The following XKR4 variants were observed in gnomAD, a reference collection of about 807,000 sequenced individuals.
XKR4 encodes the protein XK related 4, also known as XK-related protein 4.
Under a neutral mutation model 53.9 loss-of-function variants are expected in XKR4, and 12 were observed. That is an observed-to-expected ratio of 0.22 (90% CI 0.14 to 0.36). The LOEUF (loss-of-function observed/expected upper bound fraction) is 0.36. Among genes scored for constraint, XKR4 ranks in the 10% least tolerant of loss-of-function variants. XKR4 has a pLI of 1.00. For missense variants in XKR4, 799 were observed against 859.5 expected (o/e 0.93, Z 0.88); for synonymous variants, 354 against 362.4 (o/e 0.98, Z 0.26).
chr8:55,206,973 A>G (rs1817659566), intron 1 of XKR4, among the ~76,000 whole-genome samples: 1 of 152,256 alleles, frequency 6.6e-6, no homozygotes. Flanking sequence ...CCCGCGGCAT[A>G]GTCTGCTTAA....
chr8:55,247,248 T>C (rs1374993945), intron 1 of XKR4, among the ~76,000 whole-genome samples: 1 of 152,226 alleles, frequency 6.6e-6, no homozygotes, highest in Non-Finnish European at 1.5e-5. Flanking sequence ...GGAGAAGCTA[T>C]GAGCTGGAAA....
At chr8:55,453,514 C>T (rs1805494706) in intron 2 of XKR4, 2 of 384,086 alleles carry the variant, frequency 5.2e-6, no homozygotes, top group South Asian at 2.0e-5. Flanking sequence ...GGCTCTTGAC[C>T]TGCAGCCTGC....
At chr8:55,351,671 C>T (rs577382768) in intron 1 of XKR4, among the ~76,000 whole-genome samples, 9 of 152,328 alleles carry the variant, frequency 5.9e-5, no homozygotes, top group African/African-American at 1.9e-4. Context: ...GTGCTTTCTT[C>T]ACAAGATAGC....
chr8:55,187,749 T>C (rs1029870065), intron 1 of XKR4, among the ~76,000 whole-genome samples: 1 of 152,188 alleles, frequency 6.6e-6, no homozygotes, highest in Non-Finnish European at 1.5e-5. Flanking sequence ...ATATAGAGAA[T>C]AAGAGCTATG....
chr8:55,360,253 A>G (rs987193853), intron 2 of XKR4, among the ~76,000 whole-genome samples: 3 of 152,246 alleles, frequency 2.0e-5, no homozygotes, highest in African/African-American at 7.2e-5. Flanking sequence ...CCTCCAGCCA[A>G]CGAAGACCAG....
At chr8:55,454,217 C>A in intron 2 of XKR4, 1 of 1,082,424 alleles carries the variant, frequency 9.2e-7, no homozygotes. Context: ...AATGTGCACA[C>A]ACTCAGGGAT....
intron 2 of XKR4, among the ~76,000 whole-genome samples, chr8:55,415,934 A>T (rs949891993): frequency 2.0e-5 from 3 of 152,232 alleles, no homozygotes; most frequent in Non-Finnish European, 4.4e-5. Flanking sequence ...GATAATCATC[A>T]TGCTAATCAA....
chr8:55,249,877 C>T (rs1167950943), intron 1 of XKR4, among the ~76,000 whole-genome samples: 1 of 152,094 alleles, frequency 6.6e-6, no homozygotes, highest in East Asian at 1.9e-4. Context: ...TTAAATAGCA[C>T]CATTTGATTT....
intron 1 of XKR4, among the ~76,000 whole-genome samples, chr8:55,145,406 C>G (rs56263701): frequency 0.15 from 21,997 of 146,506 alleles, 2,023 homozygotes; most frequent in Middle Eastern, 0.29. Flanking sequence ...ACTGCCACTA[C>G]AGTTAATACC....
intron 1 of XKR4, among the ~76,000 whole-genome samples, chr8:55,206,019 C>T (rs886393994): frequency 9.9e-5 from 15 of 152,130 alleles, no homozygotes; most frequent in African/African-American, 2.2e-4. Context: ...AAAGGTGGCG[C>T]GTCTGGAGTT....
chr8:55,482,252 T>C (rs1806120828), intron 2 of XKR4, among the ~76,000 whole-genome samples: 1 of 152,090 alleles, frequency 6.6e-6, no homozygotes, highest in African/African-American at 2.4e-5. Flanking sequence ...TGTAGGGACA[T>C]GGATGAAGCT....
chr8:55,226,763 C>G (rs1447485488), intron 1 of XKR4, among the ~76,000 whole-genome samples: 1 of 152,054 alleles, frequency 6.6e-6, no homozygotes, highest in African/African-American at 2.4e-5. Context: ...CAGATCTTAC[C>G]CTCCCACCTT....
chr8:55,313,954 C>T (rs899252161), intron 1 of XKR4, among the ~76,000 whole-genome samples: 5 of 152,194 alleles, frequency 3.3e-5, no homozygotes, highest in African/African-American at 4.8e-5. Context: ...ACCTTTTCAA[C>T]GAACAGACTA....
intron 1 of XKR4, among the ~76,000 whole-genome samples, chr8:55,184,761 A>G (rs1318399348): frequency 6.6e-6 from 1 of 152,166 alleles, no homozygotes; most frequent in African/African-American, 2.4e-5. Context: ...TTACTTCTCC[A>G]ATGTCAACCT....
At chr8:55,344,449 G>GTT (rs111796979) in intron 1 of XKR4, among the ~76,000 whole-genome samples, 84 of 138,688 alleles carry the variant, frequency 6.1e-4, no homozygotes, top group African/African-American at 1.9e-3. Flanking sequence ...AACCCTGTCT[G>GTT]TTTTTTTTTT....
intron 2 of XKR4, among the ~76,000 whole-genome samples, chr8:55,426,099 A>G (rs1175588896): frequency 6.6e-6 from 1 of 152,206 alleles, no homozygotes; most frequent in East Asian, 1.9e-4. Flanking sequence ...CTCTGGGGTG[A>G]TATAAACACT....
intron 2 of XKR4, among the ~76,000 whole-genome samples, chr8:55,391,076 A>G (rs1804437289): frequency 1.3e-5 from 2 of 152,222 alleles, no homozygotes; most frequent in Non-Finnish European, 2.9e-5. Flanking sequence ...ACTGGATCAA[A>G]ACTACACTAA....
At chr8:55,216,474 TCCCA>T (rs1817800101) in intron 1 of XKR4, among the ~76,000 whole-genome samples, 3 of 152,188 alleles carry the variant, frequency 2.0e-5, no homozygotes, top group African/African-American at 7.2e-5. Context: ...ACGCCTGTAA[TCCCA>T]GCACTTTGAG....
chr8:55,468,693 C>G (rs1419053976), intron 2 of XKR4, among the ~76,000 whole-genome samples: 1 of 152,048 alleles, frequency 6.6e-6, no homozygotes, highest in Non-Finnish European at 1.5e-5. Flanking sequence ...CTTAAACCTT[C>G]CTTGAAGTCT....
Sources: gnomAD v4.1 joint callset for allele counts (sites outside exome capture counted in the v4.1 genomes callset) on GRCh38, gnomAD v4.1.1 for gene constraint, MANE v1.5 for transcripts, NCBI Gene and HGNC (gene_info 2026-07-23, HGNC 2026-07-21) for gene names.